Variants in OR1R1 observed in about 807,000 individuals in gnomAD.
The protein encoded by OR1R1 is olfactory receptor family 1 subfamily R member 1.
At chr17:3,386,396 C>T in the OR1R1 span, 2 of 398,344 alleles carry the variant, frequency 5.0e-6, no homozygotes, top group Non-Finnish European at 8.9e-6. Flanking sequence ...CACCTGCACT[C>T]GCTGCTGCAC....
At chr17:3,386,686 G>C in the OR1R1 span, 1 of 393,394 alleles carries the variant, frequency 2.5e-6, no homozygotes, top group African/African-American at 2.1e-5. Context: ...GCTTTTCTTT[G>C]GCTCTGTCCT....
the OR1R1 span, chr17:3,386,844 C>T: frequency 1.8e-5 from 7 of 398,452 alleles, no homozygotes; most frequent in East Asian, 3.6e-5. Context: ...AAAGGGGGCT[C>T]AGATGGAGGG....
chr17:3,386,300 C>A, the OR1R1 span: 1 of 398,448 alleles, frequency 2.5e-6, no homozygotes, highest in Non-Finnish European at 4.4e-6. Context: ...GACCGCCCGA[C>A]GGCGGCGTGC....
chr17:3,386,611 C>T, the OR1R1 span: 47 of 398,814 alleles, frequency 1.2e-4, no homozygotes, highest in South Asian at 6.0e-3. Flanking sequence ...CGGTGCTCGG[C>T]TTGCCGGCGG....
the OR1R1 span, chr17:3,386,588 C>T: frequency 1.0e-5 from 4 of 398,320 alleles, no homozygotes; most frequent in Admixed American, 4.4e-5. Context: ...TTCCTACGCG[C>T]GCATCCTGGT....
At chr17:3,386,789 C>T in the OR1R1 span, 1 of 398,658 alleles carries the variant, frequency 2.5e-6, no homozygotes, top group Middle Eastern at 6.3e-4. Context: ...ACCTTGAACC[C>T]TTTCATCAAC....
the OR1R1 span, chr17:3,386,380 G>A: frequency 1.0e-5 from 4 of 398,328 alleles, no homozygotes; most frequent in Admixed American, 1.8e-4. Context: ...GTCGTGGGCC[G>A]TGACGCACCT....
At chr17:3,386,479 A>C in the OR1R1 span, 1 of 398,098 alleles carries the variant, frequency 2.5e-6, no homozygotes, top group Non-Finnish European at 4.4e-6. Context: ...CATGACGGTG[A>C]TGCTGAGCTT....
chr17:3,386,842 C>T, the OR1R1 span: 1 of 398,574 alleles, frequency 2.5e-6, no homozygotes, highest in Non-Finnish European at 4.4e-6. Flanking sequence ...GAAAAGGGGG[C>T]TCAGATGGAG....
the OR1R1 span, chr17:3,386,624 G>A: frequency 1.0e-5 from 4 of 398,528 alleles, no homozygotes; most frequent in Non-Finnish European, 1.8e-5. Flanking sequence ...GCCGGCGGCC[G>A]GCGCCGCGCC....
At chr17:3,386,589 G>A in the OR1R1 span, 4 of 398,310 alleles carry the variant, frequency 1.0e-5, no homozygotes, top group South Asian at 1.3e-4. Flanking sequence ...TCCTACGCGC[G>A]CATCCTGGTC....
chr17:3,386,444 C>A, the OR1R1 span: 31 of 398,276 alleles, frequency 7.8e-5, no homozygotes, highest in African/African-American at 5.8e-4. Flanking sequence ...CCCTACCCCA[C>A]CCCCGTGCGC....
the OR1R1 span, chr17:3,386,250 G>C: frequency 2.5e-6 from 1 of 398,772 alleles, no homozygotes. Flanking sequence ...TCGTGGCTCT[G>C]GGCATCACCG....
the OR1R1 span, chr17:3,386,617 G>C: frequency 2.5e-6 from 1 of 398,618 alleles, no homozygotes. Context: ...TCGGCTTGCC[G>C]GCGGCCGGCG....
At chr17:3,386,063 T>C in the OR1R1 span, 2 of 398,786 alleles carry the variant, frequency 5.0e-6, no homozygotes, top group Non-Finnish European at 4.4e-6. Flanking sequence ...AACCTGAGCA[T>C]GGTGGCGCTG....
At chr17:3,386,383 A>G in the OR1R1 span, 21 of 398,010 alleles carry the variant, frequency 5.3e-5, no homozygotes, top group Middle Eastern at 6.2e-4. Context: ...GTGGGCCGTG[A>G]CGCACCTGCA....
chr17:3,386,452 C>T, the OR1R1 span: 321 of 398,386 alleles, frequency 8.1e-4, no homozygotes, highest in African/African-American at 6.1e-3. Flanking sequence ...CACCCCCGTG[C>T]GCCCCTTCTT....
At chr17:3,386,217 G>T in the OR1R1 span, 4 of 398,674 alleles carry the variant, frequency 1.0e-5, no homozygotes, top group Non-Finnish European at 1.8e-5. Flanking sequence ...CCTTCCAGGC[G>T]TGCTTTGCCG....
At chr17:3,386,298 G>T in the OR1R1 span, 2 of 398,236 alleles carry the variant, frequency 5.0e-6, no homozygotes, top group Admixed American at 4.4e-5. Flanking sequence ...ACGACCGCCC[G>T]ACGGCGGCGT....
Sources: gnomAD v4.1 joint callset for allele counts on GRCh38, gnomAD v4.1.1 for gene constraint, MANE v1.5 for transcripts, NCBI Gene and HGNC (gene_info 2026-07-23, HGNC 2026-07-21) for gene names.